Variants in NAALADL2 observed in about 807,000 individuals in gnomAD.
NAALADL2 encodes the protein inactive N-acetylated-alpha-linked acidic dipeptidase-like protein 2.
NAALADL2 carries 76 observed loss-of-function variants against 87.2 expected under a neutral mutation model. The observed-to-expected ratio is 0.87, with a 90% confidence interval of 0.72 to 1.05. The LOEUF (loss-of-function observed/expected upper bound fraction) is 1.05, where lower values mean the gene tolerates loss of function less well. NAALADL2 is among the 50% of genes least tolerant of loss of function. The pLI is 0.00. For synonymous variants in NAALADL2, 354 were observed against 331.0 expected, an observed-to-expected ratio of 1.07 and a Z score of -0.75; for missense variants, 1,089 against 945.8, an observed-to-expected ratio of 1.15 and a Z score of -1.99.
At chr3:174,492,137 G>T (rs989885515) in intron 1 of NAALADL2, among the ~76,000 whole-genome samples, 1 of 152,004 alleles carries the variant, frequency 6.6e-6, no homozygotes, top group Non-Finnish European at 1.5e-5. Flanking sequence ...GGGTGTGGTG[G>T]CGGGTGCCTG....
chr3:174,729,197 T>C (rs183036783), intron 2 of NAALADL2, among the ~76,000 whole-genome samples: 2 of 152,204 alleles, frequency 1.3e-5, no homozygotes, highest in African/African-American at 2.4e-5. Context: ...TCCTGTCTGA[T>C]TGGTTACCAT....
At chr3:175,324,047 A>G (rs1760352754) in intron 4 of NAALADL2, 128 bp from the exon 5 acceptor site, 1 of 700,184 alleles carries the variant, frequency 1.4e-6, no homozygotes, top group Non-Finnish European at 2.3e-6. Context: ...AAAAAAAGAA[A>G]AAGAAAAAGA....
chr3:175,129,090 C>A (rs1169259400), intron 2 of NAALADL2, among the ~76,000 whole-genome samples: 1 of 144,748 alleles, frequency 6.9e-6, no homozygotes, highest in Non-Finnish European at 1.5e-5. Context: ...AGGTGTGCAC[C>A]CCTATGCCTG....
chr3:174,830,593 C>A (rs566875557), intron 3 of NAALADL2, among the ~76,000 whole-genome samples: 14 of 151,724 alleles, frequency 9.2e-5, no homozygotes, highest in South Asian at 8.4e-4. Context: ...CTTGGCGATG[C>A]GGGCTCTTTT....
At chr3:174,651,109 TA>T (rs747680219) in intron 2 of NAALADL2, among the ~76,000 whole-genome samples, 2 of 152,176 alleles carry the variant, frequency 1.3e-5, no homozygotes, top group Non-Finnish European at 2.9e-5. Flanking sequence ...TCCATTATTA[TA>T]AAATTGTGCT....
intron 11 of NAALADL2, among the ~76,000 whole-genome samples, chr3:175,701,762 C>A (rs1400248346): frequency 6.6e-6 from 1 of 152,152 alleles, no homozygotes; most frequent in Non-Finnish European, 1.5e-5. Context: ...TAAGTAATAT[C>A]TCCATTTGTG....
chr3:175,704,803 G>A (rs562117626), intron 11 of NAALADL2, among the ~76,000 whole-genome samples: 62 of 152,252 alleles, frequency 4.1e-4, no homozygotes, highest in African/African-American at 1.3e-3. Flanking sequence ...TGGTATCAAG[G>A]TATCAAAGCT....
intron 2 of NAALADL2, among the ~76,000 whole-genome samples, chr3:174,710,106 T>A (rs1285823088): frequency 6.6e-6 from 1 of 152,168 alleles, no homozygotes; most frequent in Non-Finnish European, 1.5e-5. Context: ...TCCTAGTTAA[T>A]TGGTTAAACT....
At chr3:174,961,660 C>T (rs1742018541) in intron 1 of NAALADL2, among the ~76,000 whole-genome samples, 1 of 151,944 alleles carries the variant, frequency 6.6e-6, no homozygotes, top group African/African-American at 2.4e-5. Flanking sequence ...TAATTAGCGG[C>T]ACTACTAGGA....
intron 1 of NAALADL2, among the ~76,000 whole-genome samples, chr3:175,002,318 CATCTT>C (rs1162539143): frequency 6.6e-6 from 1 of 152,112 alleles, no homozygotes; most frequent in African/African-American, 2.4e-5. Context: ...AAGTGAGAAA[CATCTT>C]ATAGAAGATT....
rs376241570 is a variant in NAALADL2, at chr3:175,011,514, GAA to G, written c.44-85275_44-85274del. Among the ~76,000 whole-genome samples the G allele has an allele frequency of 9.8e-5, 15 of 152,308 alleles. 1 individual carries two copies. In the South Asian group the frequency reaches 3.1e-3, roughly 32 times the overall value. The stretch of plus-strand genomic sequence containing the variant: ...TAAAGCCAATATTCAGGTAAGCAGA[GAA>G]GAGAGTTGGAGAAATGATGGTGTTC... On this transcript the variant is annotated intron_variant, in intron 1 of 13. Coordinates refer to ENST00000454872, the MANE Select transcript of NAALADL2 (RefSeq NM_207015.3).
intron 3 of NAALADL2, among the ~76,000 whole-genome samples, chr3:175,236,671 A>G (rs937028149): frequency 1.3e-5 from 2 of 152,016 alleles, no homozygotes; most frequent in African/African-American, 4.8e-5. Flanking sequence ...GTGGTGGTGG[A>G]GGGAAGAAAG....
intron 9 of NAALADL2, among the ~76,000 whole-genome samples, chr3:175,495,592 G>T (rs79712568): frequency 0.031 from 4,763 of 152,030 alleles, 272 homozygotes; most frequent in African/African-American, 0.11. Context: ...AAGTTCTGAG[G>T]CTGTCTTGAA....
At chr3:175,743,678 A>G (rs1027815752) in intron 12 of NAALADL2, among the ~76,000 whole-genome samples, 3 of 152,302 alleles carry the variant, frequency 2.0e-5, no homozygotes, top group Admixed American at 6.5e-5. Context: ...AGGAGGTAGG[A>G]CCAATAGACT....
At chr3:174,534,115 GTATT>G (rs1721499334) in intron 1 of NAALADL2, among the ~76,000 whole-genome samples, 1 of 152,082 alleles carries the variant, frequency 6.6e-6, no homozygotes, top group Non-Finnish European at 1.5e-5. Flanking sequence ...TTACAAAAAA[GTATT>G]TAAAGGGCAG....
At position 175,241,855 on chromosome 3, in the gene NAALADL2, ATTTTTTTTT is replaced by A. The variant is rs779567135; in HGVS notation, c.819+7665_819+7673del. Among the ~76,000 whole-genome samples, 39 of 83,814 alleles carry A rather than the reference ATTTTTTTTT, an allele frequency of 4.7e-4. 3 individuals are homozygous for A. The Admixed American group carries it at 6.6e-3, about 14-fold the overall frequency. The allele number at this position is 83,814 out of a possible 152,430, so 55.0% of individuals were successfully genotyped here. A position where few individuals can be genotyped will look rare whatever the true frequency, so the allele number is the denominator to read the frequency against. ...TAGTGAGAAAGTATCTGGATGCTGAATTTTTTTTTTTTTTTTTTTTTTCTTGAGACAGAG... is the reference window on the plus strand; with the variant it reads ...TAGTGAGAAAGTATCTGGATGCTGAATTTTTTTTTTTTTCTTGAGACAGAG... On this transcript the variant is annotated intron_variant, in intron 3 of 13. Coordinates refer to ENST00000454872, the MANE Select transcript of NAALADL2 (RefSeq NM_207015.3).
chr3:175,757,743 T>A (rs1282669955), intron 13 of NAALADL2, among the ~76,000 whole-genome samples: 2 of 152,034 alleles, frequency 1.3e-5, no homozygotes, highest in Admixed American at 6.6e-5. Flanking sequence ...ATTCTAGTGG[T>A]GGGAATGGGG....
At chr3:175,090,037 C>T (rs1719787804) in intron 1 of NAALADL2, among the ~76,000 whole-genome samples, 1 of 152,062 alleles carries the variant, frequency 6.6e-6, no homozygotes, top group African/African-American at 2.4e-5. Flanking sequence ...ACTTCCTACA[C>T]TCTGAAGGTA....
chr3:174,986,473 ATAG>A (rs1267512795), intron 1 of NAALADL2, among the ~76,000 whole-genome samples: 1 of 151,812 alleles, frequency 6.6e-6, no homozygotes, highest in Admixed American at 6.6e-5. Flanking sequence ...TTTATTTCTC[ATAG>A]TATTATTTCT....
Sources: gnomAD v4.1 joint callset for allele counts (sites outside exome capture counted in the v4.1 genomes callset) on GRCh38, gnomAD v4.1.1 for gene constraint, MANE v1.5 for transcripts, NCBI Gene and HGNC (gene_info 2026-07-23, HGNC 2026-07-21) for gene names.